The following CDH4 variants were observed in gnomAD, a reference collection of about 807,000 sequenced individuals.
The protein encoded by CDH4 is cadherin-4.
In CDH4, 33 loss-of-function variants were observed where a neutral mutation model predicts 86.0. The ratio of observed to expected loss-of-function variants is 0.38; its 90% confidence interval spans 0.29 to 0.51. The LOEUF (loss-of-function observed/expected upper bound fraction) is 0.51, where lower values mean the gene tolerates loss of function less well. Ranked by LOEUF, CDH4 falls within the 20% of genes least tolerant of loss-of-function variation. CDH4 has a pLI of 0.86. For missense variants in CDH4, 1,114 were observed against 1,307.4 expected, an observed-to-expected ratio of 0.85 and a Z score of 2.28; for synonymous variants, 555 against 549.4, an observed-to-expected ratio of 1.01 and a Z score of -0.14.
chr20:61,925,108 G>A (rs570317271), intron 11 of CDH4, among the ~76,000 whole-genome samples: 7 of 152,250 alleles, frequency 4.6e-5, no homozygotes, highest in East Asian at 1.9e-4. Context: ...CGGGGCAGGC[G>A]GCACAGCAGA....
chr20:61,817,175 CCT>C (rs900537831), intron 4 of CDH4, among the ~76,000 whole-genome samples: 12 of 152,258 alleles, frequency 7.9e-5, no homozygotes, highest in Non-Finnish European at 1.6e-4. Context: ...TGGGCGCAGC[CCT>C]GATACCTGAG....
intron 2 of CDH4, among the ~76,000 whole-genome samples, chr20:61,446,004 G>A (rs1387005619): frequency 6.6e-6 from 1 of 152,234 alleles, no homozygotes; most frequent in South Asian, 2.1e-4. Flanking sequence ...ACATGGCAGT[G>A]AAACTGAAAC....
At chr20:61,489,287 C>T (rs1369729660) in intron 2 of CDH4, among the ~76,000 whole-genome samples, 1 of 152,218 alleles carries the variant, frequency 6.6e-6, no homozygotes, top group African/African-American at 2.4e-5. Context: ...CAGACCCAGG[C>T]ACAGCCCAGT....
At chr20:61,659,930 T>C (rs2087234741) in intron 2 of CDH4, among the ~76,000 whole-genome samples, 1 of 152,214 alleles carries the variant, frequency 6.6e-6, no homozygotes, top group Non-Finnish European at 1.5e-5. Flanking sequence ...CCGTGTCTCC[T>C]GGCCCCTCCC....
intron 2 of CDH4, among the ~76,000 whole-genome samples, chr20:61,537,800 A>G (rs2000280): frequency 0.31 from 47,544 of 152,096 alleles, 11,882 homozygotes; most frequent in African/African-American, 0.69. Flanking sequence ...GTTGGAAGCC[A>G]AGGGGCTCTG....
At chr20:61,459,254 G>A (rs2085428548) in intron 2 of CDH4, among the ~76,000 whole-genome samples, 1 of 152,024 alleles carries the variant, frequency 6.6e-6, no homozygotes, top group Non-Finnish European at 1.5e-5. Flanking sequence ...TTTGGTCCAT[G>A]CTGGTCAAAC....
Position 61,536,828 on chromosome 20 carries a change from A to G in CDH4, c.170-206735A>G, listed in dbSNP as rs2086000939. On this transcript the variant is annotated intron_variant, in intron 2 of 15. Coordinates refer to ENST00000614565, the MANE Select transcript of CDH4 (RefSeq NM_001794.5). ...ACACCCCACAGTGACGAGAGGAAGG[A>G]AGGAGGGCACAGCAGAGAGCTGGCC... Among the ~76,000 whole-genome samples, 3 of 152,082 alleles carry G rather than the reference A, an allele frequency of 2.0e-5. No individual in the cohort carries two copies. The South Asian group carries it at 6.2e-4, about 32-fold the overall frequency.
chr20:61,815,302 C>T (rs1003803378), intron 4 of CDH4, among the ~76,000 whole-genome samples: 1 of 152,158 alleles, frequency 6.6e-6, no homozygotes, highest in Non-Finnish European at 1.5e-5. Flanking sequence ...CTGTGGAGGG[C>T]GTGGGGCTAC....
chr20:61,362,211 AG>A (rs1457968005), intron 2 of CDH4, among the ~76,000 whole-genome samples: 2 of 151,028 alleles, frequency 1.3e-5, no homozygotes, highest in African/African-American at 4.9e-5. Context: ...AAAGCCTGGC[AG>A]GGGGGGATGT....
At chr20:61,766,502 G>A (rs551076852) in intron 3 of CDH4, among the ~76,000 whole-genome samples, 69 of 152,202 alleles carry the variant, frequency 4.5e-4, no homozygotes, top group African/African-American at 1.6e-3. Context: ...AGGGCTGAAG[G>A]TCCCCATGTC....
intron 2 of CDH4, among the ~76,000 whole-genome samples, chr20:61,690,774 G>C (rs2087644574): frequency 6.6e-6 from 1 of 152,132 alleles, no homozygotes; most frequent in Admixed American, 6.5e-5. Flanking sequence ...TCCTCATTGG[G>C]GAGTTTGGTG....
intron 3 of CDH4, chr20:61,755,183 C>G (rs759211752): frequency 6.6e-6 from 1 of 151,932 alleles, no homozygotes; most frequent in Non-Finnish European, 1.5e-5. Flanking sequence ...ATTGCCTCCC[C>G]CTGGGTTCCT....
At chr20:61,507,830 T>A (rs2427144) in intron 2 of CDH4, among the ~76,000 whole-genome samples, 81,666 of 152,112 alleles carry the variant, frequency 0.54, 22,230 homozygotes, top group Admixed American at 0.61. Flanking sequence ...TGTTCCATAC[T>A]AAGGTAAGAT....
intron 2 of CDH4, among the ~76,000 whole-genome samples, chr20:61,391,420 A>T (rs1011546968): frequency 8.5e-5 from 13 of 152,150 alleles, no homozygotes; most frequent in African/African-American, 2.9e-4. Flanking sequence ...CCTGCGGTAG[A>T]TGAGAATGTC....
chr20:61,378,889 A>T (rs960123981), intron 2 of CDH4, among the ~76,000 whole-genome samples: 54 of 152,180 alleles, frequency 3.5e-4, no homozygotes, highest in African/African-American at 1.3e-3. Flanking sequence ...CTGTAGGATG[A>T]TGTCATCACA....
At chr20:61,809,026 AG>A (rs1433242474) in intron 4 of CDH4, among the ~76,000 whole-genome samples, 2 of 152,234 alleles carry the variant, frequency 1.3e-5, no homozygotes, top group East Asian at 3.8e-4. Flanking sequence ...CCACCACAGA[AG>A]GCATCCCGAG....
At chr20:61,734,449 G>A (rs938990007) in intron 2 of CDH4, among the ~76,000 whole-genome samples, 4 of 152,244 alleles carry the variant, frequency 2.6e-5, no homozygotes, top group African/African-American at 9.6e-5. Context: ...GAAAAGCACC[G>A]TGGCAGTGCG....
rs1982791472 is a variant in CDH4, at chr20:61,852,848, A to C, written c.827A>C (p.Glu276Ala). ...ATCGACATGAATGACAACCGCCCTG[A>C]GTTCATCAACCAGGTCTACAACGGC... ...YVIDMNDNRPEFINQVYNGSV... is the reference protein window; with the variant it reads ...YVIDMNDNRPAFINQVYNGSV... The change falls in exon 6 of 16, where the codon GAG (glutamate) becomes GCG (alanine). Residue 276 changes from glutamate (E) to alanine (A), a missense_variant. Physicochemically the swap from Glu to Ala is moderately radical, Grantham distance 107. Coordinates refer to ENST00000614565, the MANE Select transcript of CDH4 (RefSeq NM_001794.5). 1.9e-6 allele frequency: 3 copies of C among 1,614,090 alleles called. No individual in the cohort carries two copies. Among genetic ancestry groups the C allele is most frequent in the Non-Finnish European group, 1.7e-6 (2 of 1,179,980 alleles).
chr20:61,904,857 C>T (rs2054771431), intron 8 of CDH4, among the ~76,000 whole-genome samples: 1 of 152,214 alleles, frequency 6.6e-6, no homozygotes, highest in Non-Finnish European at 1.5e-5. Flanking sequence ...GGGGCCTGGC[C>T]CTCTCGGCCC....
Sources: gnomAD v4.1 joint callset for allele counts (sites outside exome capture counted in the v4.1 genomes callset) on GRCh38, gnomAD v4.1.1 for gene constraint, MANE v1.5 for transcripts, NCBI Gene and HGNC (gene_info 2026-07-23, HGNC 2026-07-21) for gene names.